Variants in ADAMTSL1 observed in about 807,000 individuals in gnomAD.
ADAMTSL1 encodes ADAMTS-like protein 1.
Under a neutral mutation model 201.8 loss-of-function variants are expected in ADAMTSL1, and 126 were observed. The observed-to-expected ratio is 0.62, with a 90% CI of 0.54 to 0.72. ADAMTSL1 has a LOEUF of 0.72. Ranked by LOEUF, ADAMTSL1 falls within the 30% of genes least tolerant of loss-of-function variation. The pLI is 0.00. For missense variants in ADAMTSL1, 2,679 were observed against 2,277.8 expected, an observed-to-expected ratio of 1.18 and a Z score of -3.59; for synonymous variants, 1,121 against 903.4, an observed-to-expected ratio of 1.24 and a Z score of -4.32.
chr9:18,240,623 TGGC>T (rs1449046674), intron 2 of ADAMTSL1, among the ~76,000 whole-genome samples: 2 of 152,212 alleles, frequency 1.3e-5, no homozygotes, highest in African/African-American at 4.8e-5. Context: ...AAGGCCTAGA[TGGC>T]ATCTTCTTTC....
intron 23 of ADAMTSL1, among the ~76,000 whole-genome samples, chr9:18,885,078 G>T (rs561435866): frequency 2.0e-5 from 3 of 152,200 alleles, no homozygotes; most frequent in East Asian, 3.9e-4. Context: ...GTATTTTGTC[G>T]TTTTCAGTGT....
intron 2 of ADAMTSL1, among the ~76,000 whole-genome samples, chr9:18,523,246 G>A (rs1365144627): frequency 6.6e-6 from 1 of 152,198 alleles, no homozygotes; most frequent in Non-Finnish European, 1.5e-5. Flanking sequence ...CTTCTTTTGA[G>A]AAGTGTCTGT....
At chr9:18,490,971 C>G (rs1822242590) in intron 1 of ADAMTSL1, among the ~76,000 whole-genome samples, 2 of 152,130 alleles carry the variant, frequency 1.3e-5, no homozygotes, top group African/African-American at 4.8e-5. Context: ...GCCCTCACCA[C>G]TGACAGAGTG....
chr9:17,990,464 G>A (rs749229255), intron 1 of ADAMTSL1, among the ~76,000 whole-genome samples: 14 of 151,970 alleles, frequency 9.2e-5, no homozygotes, highest in Non-Finnish European at 1.8e-4. Context: ...CAGTGGCCAT[G>A]AACTATTACT....
At chr9:18,590,707 C>T (rs1044378804) in intron 4 of ADAMTSL1, among the ~76,000 whole-genome samples, 2 of 151,930 alleles carry the variant, frequency 1.3e-5, no homozygotes, top group Non-Finnish European at 2.9e-5. Flanking sequence ...GTTTTTGGTA[C>T]ATTGTACTTC....
At chr9:18,166,549 A>T (rs919670073) in intron 2 of ADAMTSL1, among the ~76,000 whole-genome samples, 1 of 151,960 alleles carries the variant, frequency 6.6e-6, no homozygotes, top group Non-Finnish European at 1.5e-5. Context: ...ATATAGGTTT[A>T]TCATAAGTAA....
At chr9:18,378,114 G>A (rs16936631) in intron 2 of ADAMTSL1, among the ~76,000 whole-genome samples, 11,383 of 152,136 alleles carry the variant, frequency 0.075, 1,125 homozygotes, top group African/African-American at 0.23. Context: ...AAAGGGTGGC[G>A]AGAGGAGGAA....
intron 2 of ADAMTSL1, among the ~76,000 whole-genome samples, chr9:18,313,245 T>G (rs1313477931): frequency 6.6e-6 from 1 of 152,232 alleles, no homozygotes; most frequent in Non-Finnish European, 1.5e-5. Context: ...AGAACTATTT[T>G]TCTTGTATTC....
intron 2 of ADAMTSL1, among the ~76,000 whole-genome samples, chr9:18,342,147 T>A (rs1246292648): frequency 1.3e-5 from 2 of 152,148 alleles, no homozygotes; most frequent in Non-Finnish European, 2.9e-5. Flanking sequence ...AAATTTTTCT[T>A]CTCCCAGTGT....
chr9:18,856,711 G>A lies in ADAMTSL1; in HGVS notation c.4249+26734G>A, dbSNP rs1031747642. On this transcript the variant is annotated intron_variant, in intron 23 of 28. Coordinates refer to ENST00000380548, the MANE Select transcript of ADAMTSL1 (RefSeq NM_001040272.6). ...GGCCTCAAGCAATCCTCCTGCCTCCGCCTCCCAAAGTGCTGGGATTACAGA... is the reference window on the plus strand; with the variant it reads ...GGCCTCAAGCAATCCTCCTGCCTCCACCTCCCAAAGTGCTGGGATTACAGA... Among the ~76,000 whole-genome samples, 9 of 151,932 alleles carry A rather than the reference G, an allele frequency of 5.9e-5. No homozygotes were observed. The South Asian group carries it at 6.2e-4, about 11-fold the overall frequency.
At chr9:18,743,190 T>C (rs1237902043) in intron 15 of ADAMTSL1, among the ~76,000 whole-genome samples, 1 of 152,184 alleles carries the variant, frequency 6.6e-6, no homozygotes, top group Non-Finnish European at 1.5e-5. Context: ...TCTGTGTAGG[T>C]GAACAGGCAC....
intron 9 of ADAMTSL1, 111 bp downstream of exon 9, chr9:18,662,184 A>C (rs896191168): frequency 7.3e-7 from 1 of 1,365,900 alleles, no homozygotes; most frequent in East Asian, 2.5e-5. Context: ...TTAAACATCA[A>C]TAGTGTTGCT....
At chr9:17,981,963 C>T (rs1043303460) in intron 1 of ADAMTSL1, among the ~76,000 whole-genome samples, 2 of 152,176 alleles carry the variant, frequency 1.3e-5, no homozygotes, top group Non-Finnish European at 2.9e-5. Flanking sequence ...GCAACAAAAT[C>T]TCAAGTGTGA....
chr9:18,092,303 T>G (rs570531114), intron 1 of ADAMTSL1, among the ~76,000 whole-genome samples: 1 of 152,222 alleles, frequency 6.6e-6, no homozygotes, highest in East Asian at 1.9e-4. Context: ...AGACAGAGAT[T>G]ATCTCTCTGG....
At chr9:18,587,998 G>A (rs1173655830) in intron 4 of ADAMTSL1, among the ~76,000 whole-genome samples, 1 of 152,110 alleles carries the variant, frequency 6.6e-6, no homozygotes, top group Non-Finnish European at 1.5e-5. Context: ...CAGTAGTGAG[G>A]TTGCTGGATC....
intron 2 of ADAMTSL1, among the ~76,000 whole-genome samples, chr9:18,323,862 C>T (rs56849057): frequency 0.029 from 4,355 of 152,142 alleles, 216 homozygotes; most frequent in African/African-American, 0.1. Flanking sequence ...ATGCCATGTA[C>T]GTGGGTTGGA....
chr9:18,774,762 A>G (rs2133740850), intron 17 of ADAMTSL1, among the ~76,000 whole-genome samples: 1 of 152,186 alleles, frequency 6.6e-6, no homozygotes, highest in Non-Finnish European at 1.5e-5. Flanking sequence ...TAGATATGGC[A>G]TATTTTGTTT....
At chr9:17,915,817 A>G (rs762892176) in intron 1 of ADAMTSL1, among the ~76,000 whole-genome samples, 4 of 152,188 alleles carry the variant, frequency 2.6e-5, no homozygotes, top group African/African-American at 4.8e-5. Flanking sequence ...ATGTTTTCAT[A>G]CGTTTAGAAT....
intron 1 of ADAMTSL1, among the ~76,000 whole-genome samples, chr9:18,144,934 T>G (rs1826566476): frequency 6.6e-6 from 1 of 152,130 alleles, no homozygotes; most frequent in Non-Finnish European, 1.5e-5. Context: ...CTTCAGATCT[T>G]TGGAGCTGTC....
Sources: allele counts gnomAD v4.1 joint callset (sites outside exome capture counted in the v4.1 genomes callset), GRCh38; gene constraint gnomAD v4.1.1; transcripts MANE v1.5; gene names NCBI Gene and HGNC (gene_info 2026-07-23, HGNC 2026-07-21).